Variants in TAF5 observed in about 807,000 individuals in gnomAD.
TAF5 encodes transcription initiation factor TFIID subunit 5.
TAF5 carries 20 observed loss-of-function variants against 80.9 expected under a neutral mutation model. That is an observed-to-expected ratio of 0.25 (90% CI 0.17 to 0.36). The LOEUF (loss-of-function observed/expected upper bound fraction) is 0.36, where lower values mean the gene tolerates loss of function less well. Ranked by LOEUF, TAF5 falls within the 10% of genes least tolerant of loss-of-function variation. TAF5 has a pLI of 1.00. For missense variants in TAF5, 863 were observed against 1,029.4 expected (o/e 0.84, Z 2.21); for synonymous variants, 388 against 406.4 (o/e 0.95, Z 0.55).
At chr10:103,383,415 T>G in intron 7 of TAF5, 48 bp downstream of exon 7, 1 of 1,514,580 alleles carries the variant, frequency 6.6e-7, no homozygotes, top group Non-Finnish European at 8.8e-7. Context: ...TATATTGAAA[T>G]TATATAAAAG....
At position 103,387,646 on chromosome 10, in the gene TAF5, T is replaced by C. The variant is rs754992013; in HGVS notation, c.2133T>C (p.Thr711=). The C allele has an allele frequency of 1.2e-6, 2 of 1,613,978 alleles. No homozygotes were observed. Among genetic ancestry groups the C allele is most frequent in the Admixed American group, 3.3e-5 (2 of 59,970 alleles). The change falls in exon 10 of 11, where the codon ACT becomes ACC. Residue 711 remains threonine, a synonymous_variant. Coordinates refer to ENST00000369839, the MANE Select transcript of TAF5 (RefSeq NM_006951.5). The part of the protein sequence containing the change: ...GLMVGELKGH[T]DTVCSLRFSR... Reference sequence around the variant, plus strand: ...TGGTTGGAGAATTAAAAGGCCACACTGATACAGTCTGTTCACTTAGGTTTA... The same window carrying C: ...TGGTTGGAGAATTAAAAGGCCACACCGATACAGTCTGTTCACTTAGGTTTA...
intron 7 of TAF5, 129 bp from the exon 8 acceptor site, chr10:103,385,197 C>A: frequency 1.5e-6 from 1 of 682,244 alleles, no homozygotes; most frequent in Non-Finnish European, 2.3e-6. Flanking sequence ...AAGTGAGATG[C>A]AGCATGTTAG....
At chr10:103,387,742 G>T in intron 10 of TAF5, 44 bp downstream of exon 10, 1 of 1,567,816 alleles carries the variant, frequency 6.4e-7, no homozygotes, top group South Asian at 1.1e-5. Context: ...TATGTTAAGA[G>T]GAAACAGTGT....
chr10:103,375,884 C>A (rs977526970), intron 2 of TAF5, among the ~76,000 whole-genome samples: 3 of 151,906 alleles, frequency 2.0e-5, no homozygotes, highest in Non-Finnish European at 4.4e-5. Context: ...ATAACAAAAC[C>A]CTGTCTCTAC....
In TAF5 at chr10:103,368,320, G is replaced by A. The variant is rs1328116052; in HGVS notation, c.331G>A (p.Glu111Lys). ...GTTCCTACGGCAGAGCAAACTCCGC[G>A]AGGCCGAAGAGGCGCTGCGCCGTGA... The part of the protein sequence containing the change: ...LQFLRQSKLR[E>K]AEEALRREAG... The change falls in exon 1 of 11, where the codon GAG (glutamate) becomes AAG (lysine). Residue 111 changes from glutamate to lysine, a missense_variant. By Grantham distance (56) the Glu-to-Lys change is moderately conservative (BLOSUM62 1). This residue lies in a region of TAF5 where 367 missense variants were observed against 335.5 expected (regional missense o/e 1.09). Transcript: ENST00000369839. 6.3e-7 allele frequency: 1 copy of A among 1,582,416 alleles called. No individual in the cohort carries two copies. Among genetic ancestry groups the A allele is most frequent in the African/African-American group, 1.3e-5 (1 of 74,254 alleles).
intron 6 of TAF5, among the ~76,000 whole-genome samples, chr10:103,382,535 A>G (rs1285497292): frequency 6.6e-6 from 1 of 152,064 alleles, no homozygotes; most frequent in Admixed American, 6.6e-5. Flanking sequence ...CCCTGGTTCA[A>G]GCGATTTTCC....
At chr10:103,382,798 C>T (rs1370784165) in intron 6 of TAF5, among the ~76,000 whole-genome samples, 2 of 151,860 alleles carry the variant, frequency 1.3e-5, no homozygotes. Flanking sequence ...CAGGTGTGTG[C>T]AACCACACTG....
At position 103,370,826 on chromosome 10, in the gene TAF5, A is replaced by G. The variant is rs541121652; in HGVS notation, c.559+2278A>G. 2.0e-5 allele frequency among the ~76,000 whole-genome samples: 3 copies of G among 152,366 alleles called. No individual in the cohort carries two copies. In the East Asian group the frequency reaches 5.8e-4, roughly 29 times the overall value. Reference sequence around the variant, plus strand: ...AAATGTTTATTGAATTACCCAGTGCAGAGCTTTTAGCCAAATTAGTCTGTA... The same window carrying G: ...AAATGTTTATTGAATTACCCAGTGCGGAGCTTTTAGCCAAATTAGTCTGTA... On this transcript the variant is annotated intron_variant, in intron 1 of 10. Coordinates refer to ENST00000369839, the MANE Select transcript of TAF5 (RefSeq NM_006951.5).
chr10:103,368,608 A>G lies in TAF5; in HGVS notation c.559+60A>G, dbSNP rs1199710762. 3.5e-6 allele frequency: 5 copies of G among 1,434,084 alleles called. No homozygotes were observed. The South Asian group carries it at 4.5e-5, about 13-fold the overall frequency. The allele number at this position is 1,434,084 out of a possible 1,614,324, so 88.8% of individuals were successfully genotyped here. Reference sequence around the variant, plus strand: ...GCGAAGGGGAGCAAGCCGGTAAGGCAGGGGCTGGCAGGCCTGCACCTCTGC... The same window carrying G: ...GCGAAGGGGAGCAAGCCGGTAAGGCGGGGGCTGGCAGGCCTGCACCTCTGC... On this transcript the variant is annotated intron_variant, in intron 1 of 10. Coordinates refer to ENST00000369839, the MANE Select transcript of TAF5 (RefSeq NM_006951.5).
At position 103,388,388 on chromosome 10, in the gene TAF5, T is replaced by C. The variant is rs901172856; in HGVS notation, c.*165T>C. On this transcript the variant is annotated 3_prime_UTR_variant, in exon 11 of 11. Coordinates refer to ENST00000369839, the MANE Select transcript of TAF5 (RefSeq NM_006951.5). ...TGAACAGGACAGTTCCACGTTTCTA[T>C]AGCAACCACATTTGACTAATTTCCG... The C allele has an allele frequency of 5.0e-6, 3 of 601,216 alleles. No individual in the cohort carries two copies. Among genetic ancestry groups the C allele is most frequent in the Non-Finnish European group, 8.6e-6 (3 of 350,146 alleles). The allele number at this position is 601,216 out of a possible 1,614,324, so 37.2% of individuals were successfully genotyped here.
intron 7 of TAF5, among the ~76,000 whole-genome samples, chr10:103,383,737 C>T (rs1023642240): frequency 2.6e-5 from 4 of 152,104 alleles, no homozygotes; most frequent in African/African-American, 9.7e-5. Flanking sequence ...CGCCACCACA[C>T]CTGGCTAATT....
At chr10:103,385,942 A>G (rs1388648435) in intron 8 of TAF5, among the ~76,000 whole-genome samples, 3 of 151,184 alleles carry the variant, frequency 2.0e-5, no homozygotes, top group Non-Finnish European at 4.4e-5. Flanking sequence ...AAAAAAAAAA[A>G]AAAAAAAAAG....
intron 5 of TAF5, among the ~76,000 whole-genome samples, chr10:103,380,400 T>C (rs1410077431): frequency 6.6e-6 from 1 of 152,144 alleles, no homozygotes; most frequent in Non-Finnish European, 1.5e-5. Flanking sequence ...AGTGCTGGGA[T>C]TACAGGCATG....
chr10:103,387,034 C>A (rs2093398196), intron 8 of TAF5, 141 bp from the exon 9 acceptor site: 1 of 734,206 alleles, frequency 1.4e-6, no homozygotes, highest in Admixed American at 3.0e-5. Context: ...ATTTTTCTTC[C>A]CCTCAGTTAA....
intron 10 of TAF5, 26 bp downstream of exon 10, chr10:103,387,724 A>G (rs2133639747): frequency 6.3e-7 from 1 of 1,594,282 alleles, no homozygotes; most frequent in Non-Finnish European, 8.5e-7. Context: ...TGGCTTTACG[A>G]TAAATGCTAT....
At chr10:103,371,111 C>T (rs1441798505) in intron 1 of TAF5, among the ~76,000 whole-genome samples, 1 of 152,072 alleles carries the variant, frequency 6.6e-6, no homozygotes, top group African/African-American at 2.4e-5. Flanking sequence ...GGCGTGGTGG[C>T]ATGTGCCTGT....
intron 5 of TAF5, 151 bp downstream of exon 5, chr10:103,380,170 C>T: frequency 6.2e-6 from 6 of 971,194 alleles, no homozygotes; most frequent in Non-Finnish European, 8.8e-6. Context: ...CGCTCTGTCG[C>T]CCAGCTGGAG....
intron 2 of TAF5, among the ~76,000 whole-genome samples, chr10:103,376,728 G>A (rs1474669118): frequency 1.3e-5 from 2 of 152,084 alleles, no homozygotes; most frequent in Non-Finnish European, 2.9e-5. Flanking sequence ...GCAAAAGAAC[G>A]AGATCCTGCT....
rs2093399874 is a variant in TAF5 at position 103,387,561 on chromosome 10, T to G, written c.2048T>G (p.Phe683Cys). The G allele has an allele frequency of 2.5e-6, 4 of 1,614,074 alleles. No individual in the cohort carries two copies. The highest frequency in any genetic ancestry group is 3.4e-6 in the Non-Finnish European group (4 of 1,180,004). ...HSLTFSPNGRFLATGATDGRV... is the reference protein window; with the variant it reads ...HSLTFSPNGRCLATGATDGRV... ...TTGACATTTTCTCCCAATGGGAGAT[T>G]CCTGGCTACAGGAGCAACAGATGGC... is the stretch of plus-strand genomic sequence containing the variant. The change falls in exon 10 of 11, where the codon TTC (phenylalanine) becomes TGC (cysteine). Residue 683 changes from phenylalanine to cysteine, a missense_variant. Phe to Cys is a radical substitution (Grantham distance 205). Coordinates refer to ENST00000369839, the MANE Select transcript of TAF5 (RefSeq NM_006951.5).
Sources: allele counts gnomAD v4.1 joint callset (sites outside exome capture counted in the v4.1 genomes callset), GRCh38; gene constraint gnomAD v4.1.1; regional missense constraint gnomAD v4.1.1; transcripts MANE v1.5; gene names NCBI Gene and HGNC (gene_info 2026-07-23, HGNC 2026-07-21).